CACNA2D3: variants seen among roughly 807,000 people sequenced by gnomAD.
The protein encoded by CACNA2D3 is voltage-dependent calcium channel subunit alpha-2/delta-3.
A neutral mutation model predicts 160.6 loss-of-function variants in CACNA2D3; 60 were observed. That is an observed-to-expected ratio of 0.37 (90% CI 0.30 to 0.46). CACNA2D3 has a LOEUF of 0.46. Among genes scored for constraint, CACNA2D3 ranks in the 20% least tolerant of loss-of-function variants. The probability of loss-of-function intolerance (pLI) is 1.00; values close to 1 mark genes in which losing one functional copy is unlikely to be tolerated. For synonymous variants in CACNA2D3, 558 were observed against 492.9 expected, an observed-to-expected ratio of 1.13 and a Z score of -1.75; for missense variants, 1,205 against 1,365.0, an observed-to-expected ratio of 0.88 and a Z score of 1.85.
At chr3:54,626,221 G>C (rs1699097080) in intron 9 of CACNA2D3, 3 of 918,180 alleles carry the variant, frequency 3.3e-6, no homozygotes, top group Non-Finnish European at 5.2e-6. Flanking sequence ...CAAGATGGCA[G>C]AAGTAGAGCA....
intron 2 of CACNA2D3, among the ~76,000 whole-genome samples, chr3:54,307,108 G>A (rs1200428107): frequency 6.6e-6 from 1 of 152,136 alleles, no homozygotes; most frequent in Non-Finnish European, 1.5e-5. Flanking sequence ...GCTTCTGGAG[G>A]CATTTGAGTT....
intron 3 of CACNA2D3, among the ~76,000 whole-genome samples, chr3:54,376,939 A>G (rs1446316853): frequency 6.6e-6 from 1 of 152,216 alleles, no homozygotes; most frequent in Non-Finnish European, 1.5e-5. Flanking sequence ...TCTCTGCATC[A>G]AATTTATATA....
chr3:54,909,298 G>A (rs968589596), intron 27 of CACNA2D3, among the ~76,000 whole-genome samples: 1 of 152,074 alleles, frequency 6.6e-6, no homozygotes, highest in African/African-American at 2.4e-5. Context: ...ATGCTTTGGT[G>A]GAAAACAGTT....
intron 11 of CACNA2D3, among the ~76,000 whole-genome samples, chr3:54,725,641 A>G (rs1015142549): frequency 1.3e-5 from 2 of 152,206 alleles, no homozygotes; most frequent in African/African-American, 4.8e-5. Flanking sequence ...TCCATCACAA[A>G]ATAAAACCAA....
At chr3:54,943,797 T>C (rs1422358381) in intron 27 of CACNA2D3, among the ~76,000 whole-genome samples, 1 of 152,200 alleles carries the variant, frequency 6.6e-6, no homozygotes, top group African/African-American at 2.4e-5. Context: ...CTAGGTTTGC[T>C]GGGCATGCAG....
chr3:54,866,892 G>A (rs1699413170), intron 17 of CACNA2D3, among the ~76,000 whole-genome samples: 1 of 152,126 alleles, frequency 6.6e-6, no homozygotes, highest in Non-Finnish European at 1.5e-5. Flanking sequence ...CCCACATCTG[G>A]CCTTTATTTG....
At chr3:55,033,185 A>G (rs1297969049) in intron 35 of CACNA2D3, among the ~76,000 whole-genome samples, 3 of 152,194 alleles carry the variant, frequency 2.0e-5, no homozygotes, top group Admixed American at 6.5e-5. Context: ...AAAGCCCAGT[A>G]GTTAGTCCTG....
chr3:54,358,322 A>T (rs2107539079), intron 3 of CACNA2D3, among the ~76,000 whole-genome samples: 1 of 152,360 alleles, frequency 6.6e-6, no homozygotes, highest in Admixed American at 6.5e-5. Context: ...CTTAATGCAG[A>T]ATTCATCCAG....
chr3:54,137,892 G>C (rs747277536), intron 2 of CACNA2D3, among the ~76,000 whole-genome samples: 1 of 152,112 alleles, frequency 6.6e-6, no homozygotes, highest in Non-Finnish European at 1.5e-5. Flanking sequence ...ATGTTACCGG[G>C]GTAAATTATA....
intron 25 of CACNA2D3, among the ~76,000 whole-genome samples, chr3:54,892,857 A>G (rs1319756471): frequency 6.6e-6 from 1 of 152,250 alleles, no homozygotes; most frequent in Non-Finnish European, 1.5e-5. Context: ...GATGGATTTA[A>G]AAGACAAAGG....
chr3:54,612,732 A>C (rs1698768678), intron 9 of CACNA2D3, among the ~76,000 whole-genome samples: 1 of 152,214 alleles, frequency 6.6e-6, no homozygotes, highest in African/African-American at 2.4e-5. Context: ...ACTGAGAAAG[A>C]GCAAGCTCTG....
At chr3:54,600,262 G>A (rs1703037419) in intron 9 of CACNA2D3, among the ~76,000 whole-genome samples, 1 of 152,142 alleles carries the variant, frequency 6.6e-6, no homozygotes, top group East Asian at 1.9e-4. Context: ...CCCTCACTCT[G>A]GGTCATGTTG....
chr3:54,866,717 G>C (rs1177158429), intron 17 of CACNA2D3, among the ~76,000 whole-genome samples: 1 of 152,186 alleles, frequency 6.6e-6, no homozygotes, highest in Non-Finnish European at 1.5e-5. Flanking sequence ...AGCCCACTGT[G>C]CTTCCAAAGT....
At chr3:54,644,289 T>C (rs548754200) in intron 11 of CACNA2D3, among the ~76,000 whole-genome samples, 1 of 152,226 alleles carries the variant, frequency 6.6e-6, no homozygotes, top group East Asian at 1.9e-4. Flanking sequence ...CATCTACTTA[T>C]CAAGTATTAT....
chr3:54,565,106 C>T (rs1375275634), intron 6 of CACNA2D3, among the ~76,000 whole-genome samples: 1 of 152,128 alleles, frequency 6.6e-6, no homozygotes, highest in Admixed American at 6.5e-5. Context: ...CAAGAATTAG[C>T]CTGGTCTGAG....
intron 5 of CACNA2D3, among the ~76,000 whole-genome samples, chr3:54,557,970 A>G (rs950961676): frequency 6.6e-6 from 1 of 152,144 alleles, no homozygotes; most frequent in African/African-American, 2.4e-5. Context: ...AAGCCAGTAC[A>G]CTGTGTCTGC....
intron 24 of CACNA2D3, among the ~76,000 whole-genome samples, chr3:54,888,824 A>G (rs1699989609): frequency 6.6e-6 from 1 of 152,058 alleles, no homozygotes; most frequent in South Asian, 2.1e-4. Flanking sequence ...TCACTCATCA[A>G]GTCTTGACTG....
At chr3:54,129,574 A>G (rs932145393) in intron 2 of CACNA2D3, among the ~76,000 whole-genome samples, 3 of 152,236 alleles carry the variant, frequency 2.0e-5, no homozygotes, top group African/African-American at 4.8e-5. Context: ...ATCTTTTCAC[A>G]AGAAATGGAT....
At chr3:54,842,677 T>C (rs1243197890) in intron 16 of CACNA2D3, among the ~76,000 whole-genome samples, 1 of 151,288 alleles carries the variant, frequency 6.6e-6, no homozygotes, top group Non-Finnish European at 1.5e-5. Flanking sequence ...CTTGGCTCAC[T>C]GCAACCTCTG....
Sources: allele counts gnomAD v4.1 joint callset (sites outside exome capture counted in the v4.1 genomes callset), GRCh38; gene constraint gnomAD v4.1.1; transcripts MANE v1.5; gene names NCBI Gene and HGNC (gene_info 2026-07-23, HGNC 2026-07-21).